PXDNL: variants seen among roughly 807,000 people sequenced by gnomAD.
The protein encoded by PXDNL is peroxidasin like.
PXDNL carries 145 observed loss-of-function variants against 150.8 expected under a neutral mutation model. That is an observed-to-expected ratio of 0.96 (90% CI 0.84 to 1.10). PXDNL has a LOEUF of 1.10. Among genes scored for constraint, PXDNL ranks in the 50% least tolerant of loss-of-function variants. PXDNL has a pLI of 0.00. For missense variants in PXDNL, 2,087 were observed against 1,873.9 expected (o/e 1.11, Z -2.10); for synonymous variants, 757 against 725.7 (o/e 1.04, Z -0.69).
intron 16 of PXDNL, 68 bp from the exon 17 acceptor site, chr8:51,409,629 A>G (rs1211160332): frequency 7.3e-7 from 1 of 1,379,300 alleles, no homozygotes; most frequent in Non-Finnish European, 9.7e-7. Flanking sequence ...TTGGAACTCC[A>G]GATGCTGCGG....
At chr8:51,545,487 A>G (rs1048102200) in intron 4 of PXDNL, among the ~76,000 whole-genome samples, 1 of 152,120 alleles carries the variant, frequency 6.6e-6, no homozygotes, top group African/African-American at 2.4e-5. Flanking sequence ...TAAAAAAAAT[A>G]TCACAGACTG....
chr8:51,321,392 T>A (rs796139243), intron 21 of PXDNL, among the ~76,000 whole-genome samples: 4 of 152,292 alleles, frequency 2.6e-5, no homozygotes, highest in African/African-American at 9.6e-5. Flanking sequence ...GCTATAAGCC[T>A]TTAGATAATA....
intron 4 of PXDNL, among the ~76,000 whole-genome samples, chr8:51,551,177 G>T (rs1812473719): frequency 1.3e-5 from 2 of 152,088 alleles, no homozygotes; most frequent in South Asian, 4.1e-4. Context: ...AGAAATCATA[G>T]ATGACACAAA....
chr8:51,393,805 G>A (rs951995586), intron 17 of PXDNL, among the ~76,000 whole-genome samples: 1 of 152,202 alleles, frequency 6.6e-6, no homozygotes, highest in South Asian at 2.1e-4. Context: ...CCTCTAGAAG[G>A]GGGAAAGACA....
chr8:51,596,870 T>A (rs1456995877), intron 2 of PXDNL, among the ~76,000 whole-genome samples: 1 of 152,144 alleles, frequency 6.6e-6, no homozygotes, highest in African/African-American at 2.4e-5. Flanking sequence ...GTTTACTCTG[T>A]TTTTAGTTTA....
intron 1 of PXDNL, among the ~76,000 whole-genome samples, chr8:51,773,216 TGACA>T (rs913448531): frequency 1.4e-4 from 22 of 152,350 alleles, no homozygotes; most frequent in African/African-American, 5.3e-4. Context: ...TTAATCCTCA[TGACA>T]AACAAGGAGG....
chr8:51,360,516 T>C (rs559842050), intron 19 of PXDNL, among the ~76,000 whole-genome samples: 1 of 152,352 alleles, frequency 6.6e-6, no homozygotes, highest in East Asian at 1.9e-4. Context: ...CAACTACACA[T>C]GCACACACCC....
At chr8:51,505,260 G>T (rs970092300) in intron 4 of PXDNL, among the ~76,000 whole-genome samples, 2 of 152,190 alleles carry the variant, frequency 1.3e-5, no homozygotes, top group African/African-American at 4.8e-5. Flanking sequence ...AAAACATGCA[G>T]AGCAAGAACA....
intron 1 of PXDNL, among the ~76,000 whole-genome samples, chr8:51,709,285 C>T (rs1424600092): frequency 6.6e-6 from 1 of 151,430 alleles, no homozygotes; most frequent in Admixed American, 6.6e-5. Context: ...GACGGAGTCT[C>T]ACTCTGTTGC....
At chr8:51,686,844 G>C (rs2130856372) in intron 1 of PXDNL, among the ~76,000 whole-genome samples, 1 of 151,874 alleles carries the variant, frequency 6.6e-6, no homozygotes, top group Non-Finnish European at 1.5e-5. Flanking sequence ...AAAATAAAAA[G>C]CAAAAGGCAA....
chr8:51,682,086 A>C (rs2130848162), intron 1 of PXDNL, among the ~76,000 whole-genome samples: 1 of 152,338 alleles, frequency 6.6e-6, no homozygotes, highest in South Asian at 2.1e-4. Flanking sequence ...CAATGCTAAA[A>C]AAATTTTAGC....
Position 51,341,051 on chromosome 8 carries a change from G to A in PXDNL, c.4017-1298C>T, listed in dbSNP as rs577394508. On this transcript the variant is annotated intron_variant, in intron 20 of 22. Coordinates refer to ENST00000356297, the MANE Select transcript of PXDNL (RefSeq NM_144651.5). ...GAGCCCAGATGTTGTGGAGTAGGAC[G>A]GTATTCACAATTTAACAAATATGTG... 2.6e-5 allele frequency among the ~76,000 whole-genome samples: 4 copies of A among 152,290 alleles called. No individual in the cohort carries two copies. The East Asian group carries it at 7.7e-4, about 29-fold the overall frequency.
intron 17 of PXDNL, among the ~76,000 whole-genome samples, chr8:51,392,866 G>A (rs980509002): frequency 2.0e-4 from 31 of 152,114 alleles, no homozygotes; most frequent in Non-Finnish European, 3.8e-4. Context: ...GTGAGGTTAG[G>A]AGAAATTGAT....
intron 15 of PXDNL, among the ~76,000 whole-genome samples, chr8:51,412,511 A>G (rs1275949971): frequency 6.6e-6 from 1 of 152,218 alleles, no homozygotes; most frequent in Non-Finnish European, 1.5e-5. Context: ...ATGCATGATC[A>G]CAAAGCCATT....
intron 1 of PXDNL, among the ~76,000 whole-genome samples, chr8:51,762,470 G>A (rs1040578924): frequency 3.3e-5 from 5 of 152,128 alleles, no homozygotes; most frequent in Non-Finnish European, 2.9e-5. Flanking sequence ...TCTGAAGTCT[G>A]CTATCTGAGA....
intron 6 of PXDNL, among the ~76,000 whole-genome samples, chr8:51,479,133 GAGGAGGCT>G (rs1160026307): frequency 6.6e-6 from 1 of 152,164 alleles, no homozygotes; most frequent in East Asian, 1.9e-4. Flanking sequence ...GTAAATGTAA[GAGGAGGCT>G]AGAACAAAAA....
intron 12 of PXDNL, chr8:51,435,868 C>A: frequency 4.3e-6 from 2 of 469,008 alleles, no homozygotes; most frequent in South Asian, 1.7e-5. Flanking sequence ...ATGCCTCATT[C>A]TAAAGCAGAT....
chr8:51,565,867 C>G (rs551651175), intron 3 of PXDNL, among the ~76,000 whole-genome samples: 5 of 151,746 alleles, frequency 3.3e-5, no homozygotes, highest in Admixed American at 2.0e-4. Context: ...CAAAGCATTT[C>G]TGGTCCCAAG....
At position 51,409,074 on chromosome 8, in the gene PXDNL, G is replaced by T; in HGVS notation, c.2550C>A (p.Ala850=). The change falls in exon 17 of 23, where the codon GCC becomes GCA. Residue 850 remains alanine (A), a synonymous_variant. Coordinates refer to ENST00000356297, the MANE Select transcript of PXDNL (RefSeq NM_144651.5). Reference sequence around the variant, plus strand: ...AGGGCGCGTGGGTGCCCCGGGGGTCGGCGTGCCGGGTGTTCATGGGGAAAC... The same window carrying T: ...AGGGCGCGTGGGTGCCCCGGGGGTCTGCGTGCCGGGTGTTCATGGGGAAAC... The part of the protein sequence containing the change: ...PPCFPMNTRH[A]DPRGTHAPCM... 1 of 1,609,532 alleles carries T rather than the reference G, an allele frequency of 6.2e-7. No homozygotes were observed.
Sources: gnomAD v4.1 joint callset for allele counts (sites outside exome capture counted in the v4.1 genomes callset) on GRCh38, gnomAD v4.1.1 for gene constraint, MANE v1.5 for transcripts, NCBI Gene and HGNC (gene_info 2026-07-23, HGNC 2026-07-21) for gene names.